Variants in GPR158 observed in about 807,000 individuals in gnomAD.
GPR158 encodes the protein G protein-coupled receptor 158.
GPR158 carries 30 observed loss-of-function variants against 78.2 expected under a neutral mutation model. The observed-to-expected ratio is 0.38, with a 90% CI of 0.29 to 0.52. GPR158 has a LOEUF of 0.52. Ranked by LOEUF, GPR158 falls within the 20% of genes least tolerant of loss-of-function variation. GPR158 has a pLI of 0.83. For missense variants in GPR158, 1,463 were observed against 1,523.5 expected (o/e 0.96, Z 0.66); for synonymous variants, 581 against 591.1 (o/e 0.98, Z 0.25).
chr10:25,192,812 C>CA lies in GPR158; in HGVS notation c.902+16500dup, dbSNP rs148056139. On this transcript the variant is annotated intron_variant, in intron 1 of 10. Coordinates refer to ENST00000376351, the MANE Select transcript of GPR158 (RefSeq NM_020752.3). ...AAAAAAAAATAAAAATCGAATTCAT[C>CA]AAAAAAAAAAGTGATACACATTCAG... Among the ~76,000 whole-genome samples the CA allele has an allele frequency of 1.1e-3, 156 of 146,426 alleles. 1 individual carries two copies. Among genetic ancestry groups the CA allele is most frequent in the African/African-American group, 2.4e-3 (97 of 40,338 alleles).
intron 5 of GPR158, among the ~76,000 whole-genome samples, chr10:25,483,960 G>T (rs139840801): frequency 1.2e-3 from 186 of 152,270 alleles, no homozygotes; most frequent in Non-Finnish European, 2.1e-3. Flanking sequence ...GCAGCACACA[G>T]AATATAAATG....
At chr10:25,408,426 G>C (rs1429966326) in intron 3 of GPR158, among the ~76,000 whole-genome samples, 2 of 152,128 alleles carry the variant, frequency 1.3e-5, no homozygotes, top group African/African-American at 4.8e-5. Context: ...TTTAATCCCT[G>C]TTCTTCCATC....
chr10:25,316,901 G>T (rs1208382123), intron 2 of GPR158, among the ~76,000 whole-genome samples: 1 of 111,054 alleles, frequency 9.0e-6, no homozygotes, highest in African/African-American at 4.9e-5. Context: ...GTGTGTGTGT[G>T]TGTGTGTGTT....
intron 5 of GPR158, among the ~76,000 whole-genome samples, chr10:25,490,627 CT>C (rs1023595890): frequency 4.0e-5 from 6 of 149,696 alleles, no homozygotes; most frequent in African/African-American, 1.5e-4. Flanking sequence ...TGAACTCATC[CT>C]TTTTTATGGC....
At chr10:25,202,292 T>C (rs1220877544) in intron 1 of GPR158, among the ~76,000 whole-genome samples, 1 of 151,396 alleles carries the variant, frequency 6.6e-6, no homozygotes, top group Non-Finnish European at 1.5e-5. Context: ...AGGGTACATG[T>C]GCACAACATG....
chr10:25,381,966 G>T lies in GPR158; in HGVS notation c.1009-13945G>T, dbSNP rs555704694. 3.3e-4 allele frequency among the ~76,000 whole-genome samples: 51 copies of T among 152,262 alleles called. No individual in the cohort carries two copies. The South Asian group carries it at 3.9e-3, about 12-fold the overall frequency. ...GAACCAGACCATGATTTTGTTCTTTGTTGCCTCAGCAAATAATGCACAACA... is the reference window on the plus strand; with the variant it reads ...GAACCAGACCATGATTTTGTTCTTTTTTGCCTCAGCAAATAATGCACAACA... On this transcript the variant is annotated intron_variant, in intron 2 of 10. Transcript: ENST00000376351.
chr10:25,527,774 A>G (rs1380773126), intron 5 of GPR158, among the ~76,000 whole-genome samples: 1 of 152,136 alleles, frequency 6.6e-6, no homozygotes, highest in Non-Finnish European at 1.5e-5. Context: ...TTTTTAAGTT[A>G]TAAAGTTGAT....
intron 2 of GPR158, among the ~76,000 whole-genome samples, chr10:25,268,397 A>AT (rs759361504): frequency 6.6e-6 from 1 of 152,082 alleles, no homozygotes; most frequent in Non-Finnish European, 1.5e-5. Flanking sequence ...CCATATGTGC[A>AT]TTTTTAAAAG....
intron 2 of GPR158, among the ~76,000 whole-genome samples, chr10:25,373,409 T>G (rs1280080243): frequency 6.6e-6 from 1 of 151,950 alleles, no homozygotes; most frequent in Non-Finnish European, 1.5e-5. Flanking sequence ...TAATAATGTT[T>G]TAAGTATTTC....
intron 2 of GPR158, among the ~76,000 whole-genome samples, chr10:25,348,014 G>A (rs144831320): frequency 2.0e-5 from 3 of 151,872 alleles, no homozygotes; most frequent in African/African-American, 4.8e-5. Flanking sequence ...GGAAGACCTT[G>A]GTTCCTACTG....
intron 2 of GPR158, among the ~76,000 whole-genome samples, chr10:25,361,873 T>C (rs1259910201): frequency 1.3e-5 from 2 of 151,990 alleles, no homozygotes; most frequent in Non-Finnish European, 2.9e-5. Flanking sequence ...TAATTTTGGA[T>C]ATTAACCCTT....
At chr10:25,462,789 A>G (rs577406663) in intron 4 of GPR158, among the ~76,000 whole-genome samples, 3 of 152,368 alleles carry the variant, frequency 2.0e-5, no homozygotes, top group African/African-American at 7.2e-5. Flanking sequence ...TCATGATAAA[A>G]CTTGAATGAA....
intron 6 of GPR158, among the ~76,000 whole-genome samples, chr10:25,565,639 C>T (rs1005697661): frequency 3.3e-5 from 5 of 152,188 alleles, no homozygotes; most frequent in Non-Finnish European, 7.3e-5. Flanking sequence ...GATTTTGCTA[C>T]TGACTGTTTT....
chr10:25,339,287 A>G (rs2130504016), intron 2 of GPR158, among the ~76,000 whole-genome samples: 1 of 152,032 alleles, frequency 6.6e-6, no homozygotes, highest in South Asian at 2.1e-4. Flanking sequence ...AGGCCTAGCT[A>G]TTTCTAAATT....
intron 4 of GPR158, among the ~76,000 whole-genome samples, chr10:25,465,798 A>G (rs1564462845): frequency 6.6e-6 from 1 of 152,210 alleles, no homozygotes; most frequent in East Asian, 1.9e-4. Flanking sequence ...GGCATTCAGT[A>G]TGCACTGGTG....
intron 2 of GPR158, among the ~76,000 whole-genome samples, chr10:25,373,119 A>G (rs1240087420): frequency 6.6e-6 from 1 of 151,956 alleles, no homozygotes; most frequent in African/African-American, 2.4e-5. Context: ...CTGTGCAGCC[A>G]TAAAATAGGA....
intron 5 of GPR158, among the ~76,000 whole-genome samples, chr10:25,472,737 G>A (rs368989003): frequency 3.3e-5 from 5 of 152,166 alleles, no homozygotes; most frequent in African/African-American, 7.2e-5. Context: ...GTGAATGGGA[G>A]TTCACTCATG....
intron 5 of GPR158, among the ~76,000 whole-genome samples, chr10:25,517,177 G>A (rs1234486159): frequency 2.1e-5 from 3 of 144,954 alleles, no homozygotes; most frequent in Admixed American, 1.4e-4. Context: ...CTGTTTGTCT[G>A]TTGTTGGTGT....
intron 5 of GPR158, among the ~76,000 whole-genome samples, chr10:25,493,681 A>T (rs1324027314): frequency 2.6e-5 from 4 of 152,152 alleles, no homozygotes; most frequent in African/African-American, 9.7e-5. Context: ...TCTGTTACAA[A>T]TTTTTAGTAT....
Sources: allele counts gnomAD v4.1 joint callset (sites outside exome capture counted in the v4.1 genomes callset), GRCh38; gene constraint gnomAD v4.1.1; transcripts MANE v1.5; gene names NCBI Gene and HGNC (gene_info 2026-07-23, HGNC 2026-07-21).